Variants in METTL6 observed in about 807,000 individuals in gnomAD.
METTL6 encodes tRNA N(3)-cytidine methyltransferase METTL6.
In METTL6, 22 loss-of-function variants were observed where a neutral mutation model predicts 26.4. The observed-to-expected ratio is 0.83, with a 90% CI of 0.59 to 1.19. The LOEUF is 1.19. Ranked by LOEUF, METTL6 falls within the 50% of genes most tolerant of loss-of-function variation. The pLI, the probability that METTL6 is intolerant of heterozygous loss-of-function variation, is 0.00. For missense variants in METTL6, 304 were observed against 324.8 expected (o/e 0.94, Z 0.49); for synonymous variants, 109 against 116.2 (o/e 0.94, Z 0.40).
At chr3:15,425,780 C>T (rs904100080) in intron 2 of METTL6, among the ~76,000 whole-genome samples, 8 of 152,186 alleles carry the variant, frequency 5.3e-5, no homozygotes, top group African/African-American at 1.7e-4. Flanking sequence ...AAAACACCCA[C>T]TAAAGTTCTC....
chr3:15,384,105 A>G (rs375781111), exon 7 of METTL6: 7 of 406,302 alleles, frequency 1.7e-5, no homozygotes, highest in African/African-American at 1.5e-4. Context: ...ATACTGGAAG[A>G]TTATTTTCTG....
At chr3:15,411,541 T>A in intron 5 of METTL6, 104 bp from the exon 6 acceptor site, 3 of 1,150,438 alleles carry the variant, frequency 2.6e-6, no homozygotes, top group Non-Finnish European at 3.6e-6. Context: ...AATATTTTTT[T>A]AAATGAAAAC....
rs377074664 is a variant in METTL6, at chr3:15,389,694, C to A, written c.*12-5507G>T. The stretch of plus-strand genomic sequence containing the variant: ...TCTCCTGAGTAGCTGGGATTACAGG[C>A]ATGCGCCACCACGCCCGGCTAATTT... On this transcript the variant is annotated intron_variant, in intron 6 of 6. Transcript: ENST00000443029. Among the ~76,000 whole-genome samples, 8 of 152,076 alleles carry A rather than the reference C, an allele frequency of 5.3e-5. No homozygotes were observed. The East Asian group carries it at 1.4e-3, about 26-fold the overall frequency.
intron 6 of METTL6, among the ~76,000 whole-genome samples, chr3:15,400,314 T>C (rs568923000): frequency 1.3e-5 from 2 of 152,246 alleles, no homozygotes; most frequent in African/African-American, 4.8e-5. Context: ...TTCCTTTCCA[T>C]GGCCTCAAGA....
intron 3 of METTL6, among the ~76,000 whole-genome samples, chr3:15,420,274 G>C (rs1368713590): frequency 6.6e-6 from 1 of 152,146 alleles, no homozygotes; most frequent in African/African-American, 2.4e-5. Context: ...AATGAGGAAA[G>C]CATGTTATGG....
At chr3:15,406,586 T>TTATATA (rs57272118), downstream of METTL6, among the ~76,000 whole-genome samples, 5 of 17,886 alleles carry the variant, frequency 2.8e-4, no homozygotes, top group Non-Finnish European at 5.1e-4. Context: ...AAACAAACAG[T>TTATATA]TATATATATA....
chr3:15,409,432 T>C (rs146450519), downstream of METTL6, among the ~76,000 whole-genome samples: 91 of 152,302 alleles, frequency 6.0e-4, 1 homozygote, highest in African/African-American at 1.3e-3. Flanking sequence ...AAGGCAATGA[T>C]TGGGAAAGAG....
rs960467751 is a variant in METTL6, at chr3:15,415,031, CTG to C, written c.531+739_531+740del. ...CTCCTAGTACTCAAACTGTATTCAA[CTG>C]TCTCTTAAAAAAACAAACAAACAAA... On this transcript the variant is annotated intron_variant, in intron 4 of 5. Transcript: ENST00000383790. 3.8e-6 allele frequency: 4 copies of C among 1,057,912 alleles called. No individual in the cohort carries two copies. The African/African-American group carries it at 7.0e-5, about 19-fold the overall frequency. The allele number at this position is 1,057,912 out of a possible 1,614,324, so 65.5% of individuals were successfully genotyped here. A position where few individuals can be genotyped will look rare whatever the true frequency, so the allele number is the denominator to read the frequency against.
chr3:15,425,422 C>T (rs2061696182), intron 2 of METTL6, among the ~76,000 whole-genome samples: 2 of 152,192 alleles, frequency 1.3e-5, no homozygotes, highest in Admixed American at 1.3e-4. Context: ...GAGTACAATA[C>T]TAATACTTAC....
intron 1 of METTL6, among the ~76,000 whole-genome samples, 189 bp from the exon 2 acceptor site, chr3:15,426,824 A>G (rs1559501781): frequency 6.6e-6 from 1 of 152,242 alleles, no homozygotes. Flanking sequence ...TGGCCAGACT[A>G]TCTCATGCAC....
chr3:15,409,058 C>G (rs1300672975), downstream of METTL6, among the ~76,000 whole-genome samples: 2 of 152,132 alleles, frequency 1.3e-5, no homozygotes, highest in African/African-American at 2.4e-5. Context: ...CCTAAAGGTC[C>G]ACCATCTCTA....
At chr3:15,426,102 A>AC (rs2061714901) in intron 2 of METTL6, among the ~76,000 whole-genome samples, 185 bp downstream of exon 2, 1 of 152,134 alleles carries the variant, frequency 6.6e-6, no homozygotes, top group Non-Finnish European at 1.5e-5. Context: ...CACCACACCC[A>AC]GCTAATTTTT....
intron 6 of METTL6, among the ~76,000 whole-genome samples, chr3:15,396,560 G>A (rs1268514756): frequency 6.6e-6 from 1 of 152,196 alleles, no homozygotes; most frequent in Non-Finnish European, 1.5e-5. Flanking sequence ...GAGGAGGAGA[G>A]GCGCTCTGAT....
chr3:15,407,502 T>C (rs1699834577), downstream of METTL6, among the ~76,000 whole-genome samples: 1 of 152,162 alleles, frequency 6.6e-6, no homozygotes, highest in South Asian at 2.1e-4. Context: ...CATCAACCTG[T>C]TTTGCTTTCT....
chr3:15,412,865 TG>T (rs1700031334), intron 5 of METTL6, among the ~76,000 whole-genome samples: 1 of 152,232 alleles, frequency 6.6e-6, no homozygotes, highest in African/African-American at 2.4e-5. Flanking sequence ...ATTATCTTCC[TG>T]TCTAGATGAT....
intron 5 of METTL6, chr3:15,413,685 CTTTATT>C (rs994508318): frequency 1.6e-6 from 2 of 1,226,458 alleles, no homozygotes; most frequent in African/African-American, 1.6e-5. Flanking sequence ...GTCAAATTTG[CTTTATT>C]TTTAACTGGA....
chr3:15,402,856 G>A (rs777470867), intron 6 of METTL6, among the ~76,000 whole-genome samples: 10 of 151,582 alleles, frequency 6.6e-5, no homozygotes, highest in Admixed American at 3.3e-4. Context: ...GGGGAATTGC[G>A]AATCTTGTGG....
upstream of METTL6, chr3:15,427,606 C>G (rs1020094108): frequency 6.4e-6 from 4 of 625,484 alleles, no homozygotes; most frequent in Non-Finnish European, 1.1e-5. Context: ...TCCTCTCTCA[C>G]CCCCACGCAG....
intron 6 of METTL6, among the ~76,000 whole-genome samples, chr3:15,389,603 G>A (rs1028856887): frequency 1.5e-4 from 23 of 151,988 alleles, no homozygotes; most frequent in African/African-American, 4.6e-4. Context: ...AGGCTGGAGC[G>A]CAATGGCGCA....
Sources: gnomAD v4.1 joint callset for allele counts (sites outside exome capture counted in the v4.1 genomes callset) on GRCh38, gnomAD v4.1.1 for gene constraint, MANE v1.5 for transcripts, NCBI Gene and HGNC (gene_info 2026-07-23, HGNC 2026-07-21) for gene names.